Variants in SDK1 observed in about 807,000 individuals in gnomAD.
The protein encoded by SDK1 is sidekick cell adhesion molecule 1, also known as protein sidekick-1.
Under a neutral mutation model 245.5 loss-of-function variants are expected in SDK1, and 157 were observed. That is an observed-to-expected ratio of 0.64 (90% CI 0.56 to 0.73). SDK1 has a LOEUF of 0.73. SDK1 is among the 30% of genes least tolerant of loss of function. SDK1 has a pLI of 0.00. For synonymous variants in SDK1, 1,647 were observed against 1,278.5 expected (o/e 1.29, Z -6.15); for missense variants, 3,583 against 3,002.3 (o/e 1.19, Z -4.52).
chr7:3,899,503 A>G (rs965320712), intron 5 of SDK1, among the ~76,000 whole-genome samples: 3 of 152,206 alleles, frequency 2.0e-5, no homozygotes, highest in Non-Finnish European at 4.4e-5. Flanking sequence ...GCCCTACAGC[A>G]TTGGTGGGAA....
At chr7:3,393,806 G>C (rs1054987705) in intron 1 of SDK1, among the ~76,000 whole-genome samples, 1 of 152,080 alleles carries the variant, frequency 6.6e-6, no homozygotes, top group Non-Finnish European at 1.5e-5. Flanking sequence ...TTCTTGAAAG[G>C]TCATGTATAT....
intron 4 of SDK1, among the ~76,000 whole-genome samples, chr7:3,734,297 A>G (rs973317090): frequency 9.9e-5 from 15 of 152,240 alleles, no homozygotes; most frequent in African/African-American, 3.4e-4. Flanking sequence ...AAGGATGGAT[A>G]CATGAATTCT....
intron 5 of SDK1, among the ~76,000 whole-genome samples, chr7:3,855,521 C>A (rs79441261): frequency 6.6e-6 from 1 of 151,246 alleles, no homozygotes; most frequent in Non-Finnish European, 1.5e-5. Flanking sequence ...CTTAGAAATT[C>A]TCCTAGGATG....
chr7:4,247,719 G>T (rs940398717), intron 44 of SDK1, among the ~76,000 whole-genome samples: 2 of 152,170 alleles, frequency 1.3e-5, no homozygotes, highest in African/African-American at 4.8e-5. Context: ...ACTCACTGTG[G>T]GCCTGGCCCA....
intron 4 of SDK1, among the ~76,000 whole-genome samples, chr7:3,702,039 T>A (rs945680274): frequency 2.0e-5 from 3 of 152,130 alleles, no homozygotes; most frequent in Non-Finnish European, 4.4e-5. Context: ...GTAAAACTGT[T>A]AAACTTTCAG....
At chr7:3,466,422 A>C (rs557172284) in intron 1 of SDK1, among the ~76,000 whole-genome samples, 1 of 148,620 alleles carries the variant, frequency 6.7e-6, no homozygotes, top group South Asian at 2.2e-4. Flanking sequence ...CTTGGCTAAC[A>C]AGGTGAACAT....
chr7:4,061,316 A>G (rs544309488), intron 19 of SDK1, among the ~76,000 whole-genome samples: 1 of 151,968 alleles, frequency 6.6e-6, no homozygotes, highest in South Asian at 2.1e-4. Flanking sequence ...CTTTTATTTC[A>G]TTGAGCAGTG....
intron 14 of SDK1, among the ~76,000 whole-genome samples, chr7:4,009,938 G>A (rs1052239531): frequency 2.6e-5 from 4 of 152,208 alleles, no homozygotes; most frequent in Non-Finnish European, 5.9e-5. Flanking sequence ...TTGGAGAAGC[G>A]GCTGGGATTT....
chr7:3,589,398 A>C, intron 1 of SDK1, among the ~76,000 whole-genome samples: 1 of 151,648 alleles, frequency 6.6e-6, no homozygotes, highest in South Asian at 2.1e-4. Context: ...CAGTGCACAG[A>C]CTCTTCCCGT....
intron 1 of SDK1, among the ~76,000 whole-genome samples, chr7:3,311,444 A>G (rs1381584577): frequency 1.3e-5 from 2 of 152,172 alleles, no homozygotes; most frequent in Admixed American, 1.3e-4. Flanking sequence ...GTAGGGAGAA[A>G]AGAGTCAACC....
chr7:3,361,766 C>T (rs930640950), intron 1 of SDK1, among the ~76,000 whole-genome samples: 3 of 152,140 alleles, frequency 2.0e-5, no homozygotes, highest in Admixed American at 2.0e-4. Context: ...ACAATTGTTC[C>T]ATGCACAGTA....
At chr7:3,690,062 T>C (rs969711797) in intron 4 of SDK1, among the ~76,000 whole-genome samples, 8 of 152,224 alleles carry the variant, frequency 5.3e-5, no homozygotes, top group African/African-American at 1.4e-4. Flanking sequence ...AATAATGCCT[T>C]AGAGAAGCAC....
At position 3,670,850 on chromosome 7, in the gene SDK1, T is replaced by A. The variant is rs759275450; in HGVS notation, c.713+28745T>A. ...TTAGGTATCCCCTTTTACTACTGGT[T>A]TGTGAAATAAATTAGATGATCACCC... On this transcript the variant is annotated intron_variant, in intron 4 of 44. Coordinates refer to ENST00000404826, the MANE Select transcript of SDK1 (RefSeq NM_152744.4). Among the ~76,000 whole-genome samples, 4 of 152,202 alleles carry A rather than the reference T, an allele frequency of 2.6e-5. No homozygotes were observed. The South Asian group carries it at 8.3e-4, about 31-fold the overall frequency.
At chr7:3,744,973 TA>T (rs1779578269) in intron 4 of SDK1, among the ~76,000 whole-genome samples, 1 of 152,182 alleles carries the variant, frequency 6.6e-6, no homozygotes, top group Admixed American at 6.5e-5. Context: ...TGTGCTTCAA[TA>T]GAAATCAGTG....
chr7:3,791,530 G>C (rs780275987), intron 4 of SDK1, among the ~76,000 whole-genome samples: 6 of 152,110 alleles, frequency 3.9e-5, no homozygotes, highest in African/African-American at 1.4e-4. Flanking sequence ...CATCCTGAGG[G>C]ATGCGGCTGC....
intron 44 of SDK1, among the ~76,000 whole-genome samples, chr7:4,248,798 C>G (rs879575661): frequency 6.6e-6 from 1 of 152,042 alleles, no homozygotes; most frequent in Non-Finnish European, 1.5e-5. Flanking sequence ...TACCTACATA[C>G]CTAAACACAT....
At chr7:3,417,965 A>G (rs535934838) in intron 1 of SDK1, among the ~76,000 whole-genome samples, 33 of 152,164 alleles carry the variant, frequency 2.2e-4, no homozygotes, top group Non-Finnish European at 3.8e-4. Flanking sequence ...TTTACGCAAC[A>G]TTGGAACCCT....
chr7:3,315,513 C>T (rs1410969755), intron 1 of SDK1, among the ~76,000 whole-genome samples: 1 of 152,060 alleles, frequency 6.6e-6, no homozygotes, highest in Non-Finnish European at 1.5e-5. Flanking sequence ...CACGCATGCA[C>T]ATGCAAGTAG....
At chr7:3,654,507 A>C (rs544306574) in intron 4 of SDK1, among the ~76,000 whole-genome samples, 1 of 152,200 alleles carries the variant, frequency 6.6e-6, no homozygotes, top group Non-Finnish European at 1.5e-5. Flanking sequence ...ATAAGCAATA[A>C]TAGGTCAGGA....
Sources: allele counts gnomAD v4.1 joint callset (sites outside exome capture counted in the v4.1 genomes callset), GRCh38; gene constraint gnomAD v4.1.1; transcripts MANE v1.5; gene names NCBI Gene and HGNC (gene_info 2026-07-23, HGNC 2026-07-21).